TNFRSF19: variants seen among roughly 807,000 people sequenced by gnomAD.
TNFRSF19 encodes tumor necrosis factor receptor superfamily member 19.
TNFRSF19 carries 27 observed loss-of-function variants against 46.4 expected under a neutral mutation model. The ratio of observed to expected loss-of-function variants is 0.58; its 90% CI spans 0.43 to 0.80. The LOEUF (loss-of-function observed/expected upper bound fraction) is 0.80, where lower values mean the gene tolerates loss of function less well. Ranked by LOEUF, TNFRSF19 falls within the 30% of genes least tolerant of loss-of-function variation. TNFRSF19 has a pLI of 0.00. For missense variants in TNFRSF19, 511 were observed against 530.8 expected, an observed-to-expected ratio of 0.96 and a Z score of 0.37; for synonymous variants, 204 against 205.0, an observed-to-expected ratio of 1.00 and a Z score of 0.04.
chr13:23,617,367 ACCAG>A (rs1455297099), intron 4 of TNFRSF19, among the ~76,000 whole-genome samples: 3 of 152,192 alleles, frequency 2.0e-5, no homozygotes, highest in African/African-American at 7.2e-5. Context: ...CAGGGGGAGC[ACCAG>A]GGAGGAGGAA....
In TNFRSF19 at chr13:23,592,186, T is replaced by C. The variant is rs904554671; in HGVS notation, c.70-1159T>C. Reference sequence around the variant, plus strand: ...ACAGAATTATATGCATCAAAAACAATGTCCTGTGCTCAACTGTGTGGTAAG... The same window carrying C: ...ACAGAATTATATGCATCAAAAACAACGTCCTGTGCTCAACTGTGTGGTAAG... On this transcript the variant is annotated intron_variant, in intron 2 of 9. Coordinates refer to ENST00000248484, the MANE Select transcript of TNFRSF19 (RefSeq NM_148957.4). Among the ~76,000 whole-genome samples the C allele has an allele frequency of 2.9e-4, 44 of 152,288 alleles. 2 individuals carry two copies. Among genetic ancestry groups the C allele is most frequent in the Admixed American group, 2.6e-3 (39 of 15,290 alleles).
chr13:23,668,057 C>T lies in TNFRSF19; in HGVS notation c.814C>T (p.His272Tyr). The change falls in exon 8 of 10, where the codon CAT (histidine) becomes TAT (tyrosine). Residue 272 changes from histidine (H) to tyrosine (Y), a missense_variant. By Grantham distance (83) the His-to-Tyr change is moderately conservative. Around this residue, in one of 3 missense-constraint regions of TNFRSF19, gnomAD observed 376 missense variants for 372.7 expected, o/e 1.01. Coordinates refer to ENST00000248484, the MANE Select transcript of TNFRSF19 (RefSeq NM_148957.4). ...CCCGGCGACTCTTGGTTGTGGGGTGCATTCTGCAGCCAGTCTTCAGGCAAG... is the reference window on the plus strand; with the variant it reads ...CCCGGCGACTCTTGGTTGTGGGGTGTATTCTGCAGCCAGTCTTCAGGCAAG... ...PNPATLGCGV[H>Y]SAASLQARNA... The T allele has an allele frequency of 1.2e-6, 2 of 1,607,912 alleles. No homozygotes were observed. The highest frequency in any genetic ancestry group is 8.5e-7 in the Non-Finnish European group (1 of 1,177,414).
intron 5 of TNFRSF19, among the ~76,000 whole-genome samples, chr13:23,652,096 G>A (rs1883687357): frequency 6.6e-6 from 1 of 152,092 alleles, no homozygotes; most frequent in Non-Finnish European, 1.5e-5. Flanking sequence ...CCCTGCACTT[G>A]TGGTTATATG....
chr13:23,673,554 C>T lies in TNFRSF19; in HGVS notation c.*174C>T. The T allele has an allele frequency of 7.8e-7, 1 of 1,280,720 alleles. No homozygotes were observed. The highest frequency in any genetic ancestry group is 3.0e-5 in the East Asian group (1 of 33,736). The allele number at this position is 1,280,720 out of a possible 1,614,324, so 79.3% of individuals were successfully genotyped here. A position where few individuals can be genotyped will look rare whatever the true frequency, so the allele number is the denominator to read the frequency against. ...GCCAGTTGCTTCTGAGCCAGACCAG[C>T]TGTAAGCTGAAACCTCAATGAATAA... On this transcript the variant is annotated 3_prime_UTR_variant, in exon 10 of 10. Transcript: ENST00000248484.
intron 7 of TNFRSF19, among the ~76,000 whole-genome samples, chr13:23,663,449 T>C (rs1225062736): frequency 6.6e-6 from 1 of 152,214 alleles, no homozygotes; most frequent in Non-Finnish European, 1.5e-5. Context: ...TACATTGGTG[T>C]TCATCAGGGA....
chr13:23,660,006 G>A (rs1400465421), intron 6 of TNFRSF19, among the ~76,000 whole-genome samples: 2 of 152,108 alleles, frequency 1.3e-5, no homozygotes, highest in Non-Finnish European at 1.5e-5. Context: ...GTGTCTCAGC[G>A]TGGCAGAGGC....
chr13:23,598,451 T>A (rs1272762720), intron 3 of TNFRSF19, among the ~76,000 whole-genome samples: 1 of 152,246 alleles, frequency 6.6e-6, no homozygotes, highest in Non-Finnish European at 1.5e-5. Flanking sequence ...GGACTTCTTT[T>A]TCTTAAAATG....
intron 1 of TNFRSF19, among the ~76,000 whole-genome samples, chr13:23,576,275 A>G (rs1877952072): frequency 6.6e-6 from 1 of 152,040 alleles, no homozygotes; most frequent in South Asian, 2.1e-4. Context: ...CTGGGATTAC[A>G]GGCACCTGCC....
At position 23,673,484 on chromosome 13, in the gene TNFRSF19, G is replaced by T; in HGVS notation, c.*104G>T. 7.1e-7 allele frequency: 1 copy of T among 1,417,160 alleles called. No homozygotes were observed. 87.8% of individuals were successfully genotyped at this position (1,417,160 alleles called of 1,614,324 possible). On this transcript the variant is annotated 3_prime_UTR_variant, in exon 10 of 10. Transcript: ENST00000248484. ...GTCTGGACCTTGCATGGCTTCTGGG[G>T]CAAAAATAAATCTGAACCAAACTGA...
Position 23,593,358 on chromosome 13 carries a change from C to T in TNFRSF19, c.83C>T (p.Thr28Ile), listed in dbSNP as rs1301815615. 6.4e-7 allele frequency: 1 copy of T among 1,567,210 alleles called. No individual in the cohort carries two copies. The highest frequency in any genetic ancestry group is 8.6e-7 in the Non-Finnish European group (1 of 1,165,492). The change falls in exon 3 of 10, where the codon ACT (threonine) becomes ATT (isoleucine). Residue 28 changes from threonine to isoleucine, a missense_variant. Thr to Ile is a moderately conservative substitution (Grantham distance 89). Around this residue, in one of 3 missense-constraint regions of TNFRSF19, gnomAD observed 121 missense variants for 124.1 expected, o/e 0.98. Coordinates refer to ENST00000248484, the MANE Select transcript of TNFRSF19 (RefSeq NM_148957.4). ...VLLGYLSCKV[T>I]CESGDCRQQE... ...TTTTTTTTTCAGTCATGTAAAGTGA[C>T]TTGTGAATCAGGAGACTGTAGACAG...
At chr13:23,628,903 A>G (rs1206805085) in intron 5 of TNFRSF19, among the ~76,000 whole-genome samples, 1 of 152,206 alleles carries the variant, frequency 6.6e-6, no homozygotes, top group Non-Finnish European at 1.5e-5. Context: ...CAAATAACAA[A>G]GCAAGACAGG....
chr13:23,623,830 T>C (rs1028386921), intron 4 of TNFRSF19, among the ~76,000 whole-genome samples: 8 of 152,188 alleles, frequency 5.3e-5, no homozygotes, highest in African/African-American at 1.7e-4. Flanking sequence ...AGGTTGATTT[T>C]TTAATTGATG....
At chr13:23,595,943 G>A (rs966636720) in intron 3 of TNFRSF19, among the ~76,000 whole-genome samples, 1 of 152,170 alleles carries the variant, frequency 6.6e-6, no homozygotes, top group Non-Finnish European at 1.5e-5. Context: ...AGAAGAGAGT[G>A]GGGGCCAGTA....
At chr13:23,632,488 C>G (rs772516084) in intron 5 of TNFRSF19, among the ~76,000 whole-genome samples, 1 of 152,290 alleles carries the variant, frequency 6.6e-6, no homozygotes, top group East Asian at 1.9e-4. Flanking sequence ...GGATTCCCTC[C>G]ATTGTTCACC....
At chr13:23,644,488 T>G (rs540329862) in intron 5 of TNFRSF19, among the ~76,000 whole-genome samples, 9 of 152,200 alleles carry the variant, frequency 5.9e-5, no homozygotes, top group Non-Finnish European at 1.3e-4. Flanking sequence ...CCAGCATGAT[T>G]GTAAGTTTCC....
intron 1 of TNFRSF19, among the ~76,000 whole-genome samples, chr13:23,581,065 A>G (rs2138147906): frequency 6.6e-6 from 1 of 152,010 alleles, no homozygotes; most frequent in Non-Finnish European, 1.5e-5. Context: ...ATATGCAGTT[A>G]TGGACACATG....
intron 5 of TNFRSF19, among the ~76,000 whole-genome samples, chr13:23,644,759 G>A (rs1366247558): frequency 2.6e-5 from 4 of 152,156 alleles, no homozygotes; most frequent in African/African-American, 4.8e-5. Flanking sequence ...AAACACAGAC[G>A]GTAGGAAATA....
chr13:23,576,490 G>C (rs1877965887), intron 1 of TNFRSF19, among the ~76,000 whole-genome samples: 1 of 152,092 alleles, frequency 6.6e-6, no homozygotes, highest in Non-Finnish European at 1.5e-5. Flanking sequence ...TTTTTGTTCA[G>C]ACACTGTCTC....
chr13:23,637,817 T>C (rs1284906063), intron 5 of TNFRSF19, among the ~76,000 whole-genome samples: 1 of 152,258 alleles, frequency 6.6e-6, no homozygotes, highest in Non-Finnish European at 1.5e-5. Context: ...GTCCGCAGGC[T>C]AACACCTGCC....
Sources: gnomAD v4.1 joint callset for allele counts (sites outside exome capture counted in the v4.1 genomes callset) on GRCh38, gnomAD v4.1.1 for gene constraint, gnomAD v4.1.1 regional missense constraint, MANE v1.5 for transcripts, NCBI Gene and HGNC (gene_info 2026-07-23, HGNC 2026-07-21) for gene names.